YTHDC1: variants seen among roughly 807,000 people sequenced by gnomAD.
YTHDC1 encodes YTH N6-methyladenosine RNA binding protein C1.
In YTHDC1, 12 loss-of-function variants were observed where a neutral mutation model predicts 107.0. That is an observed-to-expected ratio of 0.11 (90% CI 0.07 to 0.18). The LOEUF (loss-of-function observed/expected upper bound fraction) is 0.18. Among genes scored for constraint, YTHDC1 ranks in the 10% least tolerant of loss-of-function variants. YTHDC1 has a pLI of 1.00. For missense variants in YTHDC1, 635 were observed against 898.8 expected (o/e 0.71, Z 3.75); for synonymous variants, 280 against 289.5 (o/e 0.97, Z 0.33).
chr4:68,334,631 C>A (rs1578054354), intron 4 of YTHDC1, among the ~76,000 whole-genome samples: 1 of 152,136 alleles, frequency 6.6e-6, no homozygotes, highest in Non-Finnish European at 1.5e-5. Context: ...ATTTTTCCCC[C>A]ATGGATATTT....
intron 9 of YTHDC1, among the ~76,000 whole-genome samples, chr4:68,327,377 G>A (rs1210601507): frequency 6.6e-6 from 1 of 151,892 alleles, no homozygotes; most frequent in East Asian, 1.9e-4. Flanking sequence ...GCCTTATTTT[G>A]AGCTAATTAC....
In YTHDC1 at chr4:68,314,014, A is replaced by G. The variant is rs1249507209; in HGVS notation, c.*85T>C. 3 of 1,381,926 alleles carry G rather than the reference A, an allele frequency of 2.2e-6. No individual in the cohort carries two copies. In the African/African-American group the frequency reaches 4.3e-5, roughly 20 times the overall value. 85.6% of individuals were successfully genotyped at this position (1,381,926 alleles called of 1,614,324 possible). On this transcript the variant is annotated 3_prime_UTR_variant, in exon 17 of 17. Coordinates refer to ENST00000344157, the MANE Select transcript of YTHDC1 (RefSeq NM_001031732.4). ...TGAACTTCATAGGCAGACAGCTGAAAATAAATTTACTACTTGTAAACACAC... is the reference window on the plus strand; with the variant it reads ...TGAACTTCATAGGCAGACAGCTGAAGATAAATTTACTACTTGTAAACACAC...
intron 9 of YTHDC1, among the ~76,000 whole-genome samples, chr4:68,326,906 T>C (rs1048537597): frequency 6.6e-6 from 1 of 151,446 alleles, no homozygotes; most frequent in African/African-American, 2.4e-5. Flanking sequence ...GAGGCTCTTA[T>C]ATGCTGGACA....
At chr4:68,330,816 A>G (rs1023648233) in intron 7 of YTHDC1, among the ~76,000 whole-genome samples, 3 of 151,956 alleles carry the variant, frequency 2.0e-5, no homozygotes, top group Non-Finnish European at 4.4e-5. Context: ...GTTTGACTGA[A>G]GAGGCCTACG....
Position 68,317,996 on chromosome 4 carries a change from C to G in YTHDC1, c.1824+523G>C, listed in dbSNP as rs533996546. Among the ~76,000 whole-genome samples the G allele has an allele frequency of 2.0e-5, 3 of 152,278 alleles. No homozygotes were observed. In the South Asian group the frequency reaches 6.2e-4, roughly 32 times the overall value. On this transcript the variant is annotated intron_variant, in intron 15 of 16. Transcript: ENST00000344157. ...GCGGACTTTGCACTACTAATTACTA[C>G]CATAATACACTATTACAGTTCTCAA...
rs1721478669 is a variant in YTHDC1, at chr4:68,313,546, T to C, written c.*553A>G. On this transcript the variant is annotated 3_prime_UTR_variant, in exon 17 of 17. Transcript: ENST00000344157. ...TGTCTTCTTAATATTGCTCTCGTCA[T>C]TGAAGACTGAGGAAAAATAAAAAGT... 1 of 153,652 alleles carries C rather than the reference T, an allele frequency of 6.5e-6. No individual in the cohort carries two copies. The highest frequency in any genetic ancestry group is 1.9e-4 in the East Asian group (1 of 5,180). 9.5% of individuals were successfully genotyped at this position (153,652 alleles called of 1,614,324 possible). A position where few individuals can be genotyped will look rare whatever the true frequency, so the allele number is the denominator to read the frequency against.
In YTHDC1 at chr4:68,337,454, A is replaced by T. The variant is rs1356717663; in HGVS notation, c.460-4T>A. 1.2e-6 allele frequency: 2 copies of T among 1,611,906 alleles called. No individual in the cohort carries two copies. The highest frequency in any genetic ancestry group is 1.7e-6 in the Non-Finnish European group (2 of 1,178,674). ...TATCCACTTCAAGCCCAATTCTCTGATGTTTAAAGAAAAAGGGAATCAGCA... is the reference window on the plus strand; with the variant it reads ...TATCCACTTCAAGCCCAATTCTCTGTTGTTTAAAGAAAAAGGGAATCAGCA... On this transcript the variant is annotated splice_polypyrimidine_tract_variant and splice_region_variant and intron_variant, in intron 3 of 16. Coordinates refer to ENST00000344157, the MANE Select transcript of YTHDC1 (RefSeq NM_001031732.4).
chr4:68,317,640 T>C (rs1337444641), intron 15 of YTHDC1, among the ~76,000 whole-genome samples: 1 of 152,220 alleles, frequency 6.6e-6, no homozygotes, highest in Non-Finnish European at 1.5e-5. Flanking sequence ...TAATTAATCT[T>C]ATTTTACACA....
intron 4 of YTHDC1, among the ~76,000 whole-genome samples, chr4:68,335,462 A>G (rs115902257): frequency 0.034 from 5,111 of 152,254 alleles, 92 homozygotes; most frequent in Middle Eastern, 0.065. Context: ...ATTTAATTTG[A>G]AATGTCTTCT....
rs899907338 is a variant in YTHDC1, at chr4:68,310,807, C to G, written c.*3292G>C. 9.2e-5 allele frequency: 14 copies of G among 152,184 alleles called. No homozygotes were observed. The highest frequency in any genetic ancestry group is 2.9e-4 in the African/African-American group (12 of 41,432). 9.4% of individuals were successfully genotyped at this position (152,184 alleles called of 1,614,324 possible). A position where few individuals can be genotyped will look rare whatever the true frequency, so the allele number is the denominator to read the frequency against. On this transcript the variant is annotated 3_prime_UTR_variant, in exon 17 of 17. Transcript: ENST00000344157. ...GCTGGCAACAGTTCCTTCTTCAATT[C>G]CATGCCCCTGAGGACTCTTAATGGT...
In YTHDC1 at chr4:68,338,299, A is replaced by G. The variant is rs1258693749; in HGVS notation, c.114T>C (p.Asp38=). 5.0e-6 allele frequency: 8 copies of G among 1,606,290 alleles called. No individual in the cohort carries two copies. The highest frequency in any genetic ancestry group is 6.8e-6 in the Non-Finnish European group (8 of 1,176,626). ...CTTACATACCCTTTTTCTCATTTTT[A>G]TCTTGTTCACTCTCTGGATTATACA... The part of the protein sequence containing the change: ...DELYNPESEQ[D]KNEKKGSKRK... The change falls in exon 2 of 17, where the codon GAT becomes GAC. Residue 38 remains aspartate (D), a synonymous_variant. Transcript: ENST00000344157.
rs1201001684 is a variant in YTHDC1, at chr4:68,310,463, AAACTG to A, written c.*3631_*3635del. On this transcript the variant is annotated 3_prime_UTR_variant, in exon 17 of 17. Transcript: ENST00000344157. ...ATAATCTATATTTAAGACACAGAAG[AAACTG>A]AAAGTGTAAGATTTAGAAACAAGAG... 5.3e-5 allele frequency: 8 copies of A among 152,222 alleles called. No individual in the cohort carries two copies. The highest frequency in any genetic ancestry group is 1.2e-4 in the Non-Finnish European group (8 of 68,038). 9.4% of individuals were successfully genotyped at this position (152,222 alleles called of 1,614,324 possible).
chr4:68,326,119 TAAG>T (rs994932780), intron 9 of YTHDC1, among the ~76,000 whole-genome samples: 8 of 152,190 alleles, frequency 5.3e-5, no homozygotes, highest in South Asian at 4.1e-4. Flanking sequence ...CACCAAAATA[TAAG>T]AAGGTTATAA....
chr4:68,349,954 C>T lies in YTHDC1; in HGVS notation c.-201G>A, dbSNP rs1232294395. 1 of 730,628 alleles carries T rather than the reference C, an allele frequency of 1.4e-6. No homozygotes were observed. Among genetic ancestry groups the T allele is most frequent in the African/African-American group, 1.8e-5 (1 of 56,932 alleles). The allele number at this position is 730,628 out of a possible 1,614,324, so 45.3% of individuals were successfully genotyped here. On this transcript the variant is annotated 5_prime_UTR_variant, in exon 1 of 17. Coordinates refer to ENST00000344157, the MANE Select transcript of YTHDC1 (RefSeq NM_001031732.4). ...TCTCCCTTCCTTTCACTCCAGCATC[C>T]AGCGGCCTAGGCCCAGCCTTCTCGT...
chr4:68,338,383 A>C lies in YTHDC1; in HGVS notation c.30T>G (p.Asp10Glu). 1.3e-6 allele frequency: 2 copies of C among 1,582,584 alleles called. No individual in the cohort carries two copies. The highest frequency in any genetic ancestry group is 1.4e-5 in the African/African-American group (1 of 73,260). Residue 10 changes from aspartate (D) to glutamate (E), a missense_variant and splice_region_variant, in exon 2 of 17, where the codon GAT becomes GAG. Coordinates refer to ENST00000344157, the MANE Select transcript of YTHDC1 (RefSeq NM_001031732.4). The part of the protein sequence containing the change: MAADSREEK[D>E]GELNVLDDIL... Reference sequence around the variant, plus strand: ...TATCATCCAGAACATTAAGTTCTCCATCTGCAAATAAAATTAAAAATTAAT... The same window carrying C: ...TATCATCCAGAACATTAAGTTCTCCCTCTGCAAATAAAATTAAAAATTAAT...
intron 4 of YTHDC1, among the ~76,000 whole-genome samples, chr4:68,334,462 C>T (rs922761828): frequency 8.5e-5 from 13 of 152,112 alleles, no homozygotes; most frequent in Non-Finnish European, 1.9e-4. Flanking sequence ...TAGGGTCCCA[C>T]AGTTCCTGGA....
At chr4:68,333,185 TG>T (rs1457013324) in intron 5 of YTHDC1, 122 bp downstream of exon 5, 1 of 706,922 alleles carries the variant, frequency 1.4e-6, no homozygotes, top group African/African-American at 1.8e-5. Flanking sequence ...ATTATTACAC[TG>T]AACATGCCAA....
intron 1 of YTHDC1, among the ~76,000 whole-genome samples, chr4:68,343,077 G>T (rs748939128): frequency 6.6e-6 from 1 of 152,070 alleles, no homozygotes; most frequent in Non-Finnish European, 1.5e-5. Flanking sequence ...TTAAGAAAAG[G>T]CCTATAAGCA....
chr4:68,318,592 A>G lies in YTHDC1; in HGVS notation c.1762-11T>C. Reference sequence around the variant, plus strand: ...ATAATCATTGTAGGACTAAAATAAAAGATGATAATGTCAATATAATTAAAA... The same window carrying G: ...ATAATCATTGTAGGACTAAAATAAAGGATGATAATGTCAATATAATTAAAA... On this transcript the variant is annotated splice_polypyrimidine_tract_variant and intron_variant, in intron 14 of 16. Transcript: ENST00000344157. The G allele has an allele frequency of 1.2e-6, 2 of 1,610,568 alleles. No homozygotes were observed. The highest frequency in any genetic ancestry group is 1.7e-6 in the Non-Finnish European group (2 of 1,178,170).
Sources: gnomAD v4.1 joint callset for allele counts (sites outside exome capture counted in the v4.1 genomes callset) on GRCh38, gnomAD v4.1.1 for gene constraint, MANE v1.5 for transcripts, NCBI Gene and HGNC (gene_info 2026-07-23, HGNC 2026-07-21) for gene names.